Variants in TBC1D22B observed in about 807,000 individuals in gnomAD.
The protein encoded by TBC1D22B is chromosome 6 open reading frame 197.
In TBC1D22B, 32 loss-of-function variants were observed where a neutral mutation model predicts 69.1. The observed-to-expected ratio is 0.46, with a 90% CI of 0.35 to 0.62. The LOEUF (loss-of-function observed/expected upper bound fraction) is 0.62. Among genes scored for constraint, TBC1D22B ranks in the 20% least tolerant of loss-of-function variants. The pLI is 0.00. For synonymous variants in TBC1D22B, 206 were observed against 229.8 expected, an observed-to-expected ratio of 0.90 and a Z score of 0.94; for missense variants, 462 against 630.9, an observed-to-expected ratio of 0.73 and a Z score of 2.87.
At position 37,282,964 on chromosome 6, in the gene TBC1D22B, C is replaced by T; in HGVS notation, c.672+12C>T. 3.7e-6 allele frequency: 6 copies of T among 1,612,222 alleles called. No homozygotes were observed. The highest frequency in any genetic ancestry group is 4.2e-6 in the Non-Finnish European group (5 of 1,178,534). ...GGAGACTCCTGTCGGTGAGTTCTAC[C>T]CACTGTGTAGAGAAATGTGAGCCTC... On this transcript the variant is annotated intron_variant, in intron 5 of 12. Transcript: ENST00000373491.
rs368986263 is a variant in TBC1D22B at position 37,327,077 on chromosome 6, GA to G, written c.1390-3966del. Among the ~76,000 whole-genome samples the G allele has an allele frequency of 1.2e-3, 188 of 152,262 alleles. 1 individual carries two copies. The highest frequency in any genetic ancestry group is 4.3e-3 in the African/African-American group (178 of 41,556). On this transcript the variant is annotated intron_variant, in intron 12 of 12. Transcript: ENST00000373491. ...TGGGATAGGGACATGGTGCGGGAAG[GA>G]GGTAGGAAGCAGCAGAGATGGGTAA...
chr6:37,286,967 A>C (rs753563468), intron 6 of TBC1D22B, 40 bp from the exon 7 acceptor site: 17 of 1,570,890 alleles, frequency 1.1e-5, no homozygotes, highest in East Asian at 2.3e-5. Context: ...ACAAAAAAAA[A>C]CTGGCATTTG....
At chr6:37,282,051 G>T in intron 3 of TBC1D22B, 134 bp from the exon 4 acceptor site, 1 of 955,532 alleles carries the variant, frequency 1.0e-6, no homozygotes, top group East Asian at 2.6e-5. Context: ...CCCTTCAGCT[G>T]GGCACCTCAG....
chr6:37,257,927 G>A lies in TBC1D22B; in HGVS notation c.10G>A (p.Glu4Lys). MAA[E>K]NSKQFWKRSA... ...TCCCCCGGCCAGAGCAATGGCCGCTGAGAACAGCAAGCAGTTTTGGAAGAG... is the reference window on the plus strand; with the variant it reads ...TCCCCCGGCCAGAGCAATGGCCGCTAAGAACAGCAAGCAGTTTTGGAAGAG... Residue 4 changes from glutamate to lysine, a missense_variant, in exon 1 of 13, where the codon GAG (glutamate) becomes AAG (lysine). This residue lies in a region of TBC1D22B where 237 missense variants were observed against 255.4 expected (regional missense o/e 0.93). Transcript: ENST00000373491. 6.2e-7 allele frequency: 1 copy of A among 1,614,122 alleles called. No individual in the cohort carries two copies. The highest frequency in any genetic ancestry group is 8.5e-7 in the Non-Finnish European group (1 of 1,180,006).
intron 1 of TBC1D22B, among the ~76,000 whole-genome samples, chr6:37,262,032 T>C (rs953924844): frequency 1.9e-3 from 8 of 4,116 alleles, no homozygotes; most frequent in South Asian, 0.053. Flanking sequence ...AAAAATCACC[T>C]TTTTTTTTTT....
chr6:37,266,169 A>C (rs1489813275), intron 1 of TBC1D22B, among the ~76,000 whole-genome samples: 1 of 152,204 alleles, frequency 6.6e-6, no homozygotes, highest in Non-Finnish European at 1.5e-5. Context: ...TTTCTTATAA[A>C]GGTGATACTT....
intron 7 of TBC1D22B, 71 bp downstream of exon 7, chr6:37,287,143 C>A (rs534769828): frequency 3.1e-6 from 4 of 1,303,848 alleles, no homozygotes; most frequent in Middle Eastern, 1.8e-4. Flanking sequence ...TACAGGTTTG[C>A]GGCTAATCAT....
intron 8 of TBC1D22B, among the ~76,000 whole-genome samples, chr6:37,299,923 C>G (rs1400773169): frequency 2.0e-5 from 3 of 150,676 alleles, no homozygotes; most frequent in Non-Finnish European, 2.9e-5. Context: ...GCAGGAGAAT[C>G]GCTTGAACCT....
intron 9 of TBC1D22B, 88 bp downstream of exon 9, chr6:37,313,112 A>G (rs1767969795): frequency 2.0e-6 from 2 of 1,004,892 alleles, no homozygotes; most frequent in Admixed American, 3.6e-5. Flanking sequence ...CTTCTGTATC[A>G]GGCAGGACCA....
intron 1 of TBC1D22B, among the ~76,000 whole-genome samples, chr6:37,260,310 G>A (rs749958025): frequency 6.6e-6 from 1 of 152,088 alleles, no homozygotes; most frequent in South Asian, 2.1e-4. Flanking sequence ...AATGAAACTA[G>A]TTTACTCTTC....
chr6:37,330,997 A>T lies in TBC1D22B; in HGVS notation c.1390-47A>T, dbSNP rs750055481. Reference sequence around the variant, plus strand: ...CTCTAAGAATGGGTTCACTTGTCTGATGGTCTACGGTCTGGTATGATATAA... The same window carrying T: ...CTCTAAGAATGGGTTCACTTGTCTGTTGGTCTACGGTCTGGTATGATATAA... On this transcript the variant is annotated intron_variant, in intron 12 of 12. Coordinates refer to ENST00000373491, the MANE Select transcript of TBC1D22B (RefSeq NM_017772.4). 2.6e-5 allele frequency: 42 copies of T among 1,608,346 alleles called. No individual in the cohort carries two copies. In the African/African-American group the frequency reaches 4.3e-4, roughly 16 times the overall value.
intron 8 of TBC1D22B, among the ~76,000 whole-genome samples, chr6:37,291,896 G>A (rs941056765): frequency 1.3e-5 from 2 of 152,200 alleles, no homozygotes; most frequent in African/African-American, 4.8e-5. Flanking sequence ...TTTGGAGAGA[G>A]ATTAGATTTC....
intron 1 of TBC1D22B, among the ~76,000 whole-genome samples, chr6:37,265,344 T>C (rs147587313): frequency 9.1e-4 from 139 of 152,346 alleles, no homozygotes; most frequent in Non-Finnish European, 1.6e-3. Context: ...CAGATGGTAA[T>C]ACTTCTTTAA....
chr6:37,282,090 G>A (rs1766851148), intron 3 of TBC1D22B, 95 bp from the exon 4 acceptor site: 1 of 1,422,314 alleles, frequency 7.0e-7, no homozygotes, highest in Admixed American at 1.7e-5. Context: ...CACACCCTTG[G>A]GGAGGAAACA....
chr6:37,285,314 A>AATT (rs1766968884), intron 6 of TBC1D22B, among the ~76,000 whole-genome samples: 1 of 32,788 alleles, frequency 3.0e-5, no homozygotes, highest in Admixed American at 3.9e-4. Flanking sequence ...GTCCTTCCCC[A>AATT]CTTTTTTTTT....
chr6:37,298,450 C>T (rs754653134), intron 8 of TBC1D22B, among the ~76,000 whole-genome samples: 1 of 151,602 alleles, frequency 6.6e-6, no homozygotes, highest in African/African-American at 2.4e-5. Flanking sequence ...AGATCCACTT[C>T]ATTATTTTCA....
Position 37,332,427 on chromosome 6 carries a change from C to G in TBC1D22B, c.*1255C>G, listed in dbSNP as rs555835003. 4 of 152,788 alleles carry G rather than the reference C, an allele frequency of 2.6e-5. No homozygotes were observed. In the East Asian group the frequency reaches 7.7e-4, roughly 29 times the overall value. 9.5% of individuals were successfully genotyped at this position (152,788 alleles called of 1,614,324 possible). On this transcript the variant is annotated 3_prime_UTR_variant, in exon 13 of 13. Transcript: ENST00000373491. ...TTTGTTTTTACGTTTTCAAGTTCAG[C>G]ATTGTATTCGGACAGAAGCTGTGAC...
At chr6:37,266,102 A>G (rs1017253015) in intron 1 of TBC1D22B, among the ~76,000 whole-genome samples, 2 of 152,230 alleles carry the variant, frequency 1.3e-5, no homozygotes, top group Non-Finnish European at 2.9e-5. Flanking sequence ...GAATTGTGCT[A>G]AAGGGCTTTC....
chr6:37,300,551 G>A (rs950772776), intron 8 of TBC1D22B, among the ~76,000 whole-genome samples: 21 of 151,786 alleles, frequency 1.4e-4, no homozygotes, highest in East Asian at 3.9e-4. Flanking sequence ...GAGTAGAGAC[G>A]GGGTTTTACC....
Sources: gnomAD v4.1 joint callset for allele counts (sites outside exome capture counted in the v4.1 genomes callset) on GRCh38, gnomAD v4.1.1 for gene constraint, gnomAD v4.1.1 regional missense constraint, MANE v1.5 for transcripts, NCBI Gene and HGNC (gene_info 2026-07-23, HGNC 2026-07-21) for gene names.